The following OPCML variants were observed in gnomAD, a reference collection of about 807,000 sequenced individuals.
OPCML encodes opioid-binding protein/cell adhesion molecule.
OPCML carries 13 observed loss-of-function variants against 37.8 expected under a neutral mutation model. The ratio of observed to expected loss-of-function variants is 0.34; its 90% confidence interval spans 0.22 to 0.55. The LOEUF (loss-of-function observed/expected upper bound fraction) is 0.55, where lower values mean the gene tolerates loss of function less well. OPCML is among the 20% of genes least tolerant of loss of function. The pLI, the probability that OPCML is intolerant of heterozygous loss-of-function variation, is 0.91. For missense variants in OPCML, 341 were observed against 435.6 expected, an observed-to-expected ratio of 0.78 and a Z score of 1.93; for synonymous variants, 176 against 168.8, an observed-to-expected ratio of 1.04 and a Z score of -0.33.
intron 4 of OPCML, among the ~76,000 whole-genome samples, chr11:132,468,572 T>C (rs2136944982): frequency 6.6e-6 from 1 of 152,340 alleles, no homozygotes; most frequent in East Asian, 1.9e-4. Context: ...TTAAAAATCT[T>C]TAGCCTTTTT....
chr11:132,691,704 G>A (rs1019172991), intron 2 of OPCML, among the ~76,000 whole-genome samples: 5 of 152,086 alleles, frequency 3.3e-5, no homozygotes, highest in African/African-American at 1.2e-4. Flanking sequence ...AGAACAAAAA[G>A]GCCTATGTCC....
chr11:132,868,983 A>G (rs1278079529), intron 2 of OPCML, among the ~76,000 whole-genome samples: 1 of 152,172 alleles, frequency 6.6e-6, no homozygotes, highest in Non-Finnish European at 1.5e-5. Context: ...GCTGTGGGGA[A>G]CGTGGCCTGT....
intron 2 of OPCML, among the ~76,000 whole-genome samples, chr11:132,864,019 C>T (rs1942418100): frequency 6.6e-6 from 1 of 152,090 alleles, no homozygotes; most frequent in Non-Finnish European, 1.5e-5. Flanking sequence ...CTGACTGCAA[C>T]CGCCGCCTCC....
At chr11:132,872,969 A>T (rs1942867982) in intron 2 of OPCML, among the ~76,000 whole-genome samples, 1 of 151,870 alleles carries the variant, frequency 6.6e-6, no homozygotes, top group Non-Finnish European at 1.5e-5. Flanking sequence ...GTGCAGAGGC[A>T]ATTAATATAC....
At chr11:132,904,560 G>T (rs538320233) in intron 2 of OPCML, among the ~76,000 whole-genome samples, 1 of 152,188 alleles carries the variant, frequency 6.6e-6, no homozygotes, top group Non-Finnish European at 1.5e-5. Flanking sequence ...ACTCCTCTGG[G>T]AACTGACTAT....
chr11:132,930,529 C>T (rs565436795), intron 2 of OPCML, among the ~76,000 whole-genome samples: 1 of 151,648 alleles, frequency 6.6e-6, no homozygotes, highest in East Asian at 1.9e-4. Context: ...TTGTAGAATA[C>T]AAAAATCAAC....
intron 1 of OPCML, among the ~76,000 whole-genome samples, chr11:133,115,033 TTTAG>T (rs1310996627): frequency 6.6e-6 from 1 of 152,228 alleles, no homozygotes; most frequent in Non-Finnish European, 1.5e-5. Context: ...CATGTAGGAT[TTTAG>T]TTAAATTCTG....
chr11:132,925,012 C>T (rs1944940223), intron 2 of OPCML, among the ~76,000 whole-genome samples: 7 of 152,152 alleles, frequency 4.6e-5, no homozygotes, highest in Admixed American at 4.6e-4. Context: ...GCATATTTTC[C>T]AGCTCACTGA....
rs190950047 is a variant in OPCML at position 133,518,222 on chromosome 11, G to T, written c.61+14042C>A. Among the ~76,000 whole-genome samples the T allele has an allele frequency of 1.8e-3, 277 of 150,704 alleles. 1 individual carries two copies. The highest frequency in any genetic ancestry group is 3.0e-3 in the Non-Finnish European group (205 of 67,632). On this transcript the variant is annotated intron_variant, in intron 1 of 7. Coordinates refer to ENST00000524381, the MANE Select transcript of OPCML (RefSeq NM_001012393.5). ...GTATGGAAGCGTGTATAAGTGTGTG[G>T]GGGGGTGTGTTTGTGCTCATATGGG...
chr11:132,824,649 T>C (rs1002506296), intron 2 of OPCML, among the ~76,000 whole-genome samples: 1 of 152,224 alleles, frequency 6.6e-6, no homozygotes, highest in Non-Finnish European at 1.5e-5. Flanking sequence ...TGCCCCCCTA[T>C]TGTTTAACCT....
At chr11:133,302,732 G>C (rs1037048088) in intron 1 of OPCML, 1 of 152,106 alleles carries the variant, frequency 6.6e-6, no homozygotes, top group African/African-American at 2.4e-5. Flanking sequence ...ATATATCTTA[G>C]AACTCATTCC....
chr11:132,846,088 A>G (rs1378502893), intron 2 of OPCML, among the ~76,000 whole-genome samples: 1 of 152,236 alleles, frequency 6.6e-6, no homozygotes, highest in Non-Finnish European at 1.5e-5. Context: ...ACACATTTCC[A>G]TAAAGCATCA....
Position 133,234,985 on chromosome 11 carries a change from C to A in OPCML, c.62-291975G>T, listed in dbSNP as rs554260778. Among the ~76,000 whole-genome samples, 6 of 152,118 alleles carry A rather than the reference C, an allele frequency of 3.9e-5. No homozygotes were observed. The East Asian group carries it at 1.2e-3, about 29-fold the overall frequency. On this transcript the variant is annotated intron_variant, in intron 1 of 7. Coordinates refer to ENST00000524381, the MANE Select transcript of OPCML (RefSeq NM_001012393.5). ...AAGATGGTGTGTTCCTCCCTAATGC[C>A]GTATTAACTGCGGCTGCAGACATTT...
chr11:132,682,857 C>A (rs530127240), intron 2 of OPCML, among the ~76,000 whole-genome samples: 1 of 152,308 alleles, frequency 6.6e-6, no homozygotes, highest in East Asian at 1.9e-4. Context: ...GTGTCATTCC[C>A]CTGCATGTGG....
intron 1 of OPCML, among the ~76,000 whole-genome samples, chr11:133,512,101 G>A (rs1948173184): frequency 1.3e-5 from 2 of 152,204 alleles, no homozygotes; most frequent in South Asian, 4.1e-4. Context: ...AGATCCTGCA[G>A]GTTAAGAGCT....
chr11:133,027,753 T>C (rs1947588137), intron 1 of OPCML, among the ~76,000 whole-genome samples: 1 of 17,408 alleles, frequency 5.7e-5, no homozygotes. Flanking sequence ...GTGTGATGTG[T>C]TTGACGTGTG....
At chr11:132,632,177 A>G (rs1940184834) in intron 3 of OPCML, among the ~76,000 whole-genome samples, 1 of 150,660 alleles carries the variant, frequency 6.6e-6, no homozygotes, top group South Asian at 2.1e-4. Context: ...ATTGTGCCAC[A>G]TGGAGATTTG....
In OPCML at chr11:132,928,143, T is replaced by C. The variant is rs915330004; in HGVS notation, c.146+14783A>G. ...GTGATTACTTTATCAGTGATTACTT[T>C]AAATGTAAATGGATTAAACGGCACA... is the stretch of plus-strand genomic sequence containing the variant. On this transcript the variant is annotated intron_variant, in intron 2 of 7. Coordinates refer to ENST00000524381, the MANE Select transcript of OPCML (RefSeq NM_001012393.5). 2.0e-5 allele frequency among the ~76,000 whole-genome samples: 3 copies of C among 152,158 alleles called. No individual in the cohort carries two copies. The East Asian group carries it at 5.8e-4, about 29-fold the overall frequency.
At chr11:133,316,998 G>C (rs920170609) in intron 1 of OPCML, among the ~76,000 whole-genome samples, 1 of 152,274 alleles carries the variant, frequency 6.6e-6, no homozygotes, top group East Asian at 1.9e-4. Flanking sequence ...AGGAGCTTGA[G>C]AGCAGCCTGG....
Sources: gnomAD v4.1 joint callset for allele counts (sites outside exome capture counted in the v4.1 genomes callset) on GRCh38, gnomAD v4.1.1 for gene constraint, MANE v1.5 for transcripts, NCBI Gene and HGNC (gene_info 2026-07-23, HGNC 2026-07-21) for gene names.